EYA2: variants seen among roughly 807,000 people sequenced by gnomAD.
EYA2 encodes the protein EYA transcriptional coactivator and phosphatase 2.
EYA2 carries 31 observed loss-of-function variants against 69.2 expected under a neutral mutation model. The ratio of observed to expected loss-of-function variants is 0.45; its 90% CI spans 0.34 to 0.60. EYA2 has a LOEUF of 0.60. EYA2 is among the 20% of genes least tolerant of loss of function. The pLI is 0.02. For synonymous variants in EYA2, 257 were observed against 279.4 expected (o/e 0.92, Z 0.80); for missense variants, 622 against 701.2 (o/e 0.89, Z 1.28).
chr20:47,085,364 T>C (rs1266046987), intron 7 of EYA2, among the ~76,000 whole-genome samples: 2 of 151,846 alleles, frequency 1.3e-5, no homozygotes, highest in Non-Finnish European at 2.9e-5. Context: ...AATGAAATAT[T>C]AGGCTGGGCA....
chr20:46,935,546 A>G (rs1198660007), intron 1 of EYA2, among the ~76,000 whole-genome samples: 1 of 152,174 alleles, frequency 6.6e-6, no homozygotes, highest in Non-Finnish European at 1.5e-5. Context: ...ACTGGGCACC[A>G]TGATAGCAAG....
intron 9 of EYA2, among the ~76,000 whole-genome samples, chr20:47,109,124 A>C (rs6063071): frequency 0.32 from 49,251 of 151,968 alleles, 9,459 homozygotes; most frequent in Non-Finnish European, 0.42. Flanking sequence ...CAAGCTGCAA[A>C]GATGCCCTGT....
rs1416149490 is a variant in EYA2 at position 47,172,688 on chromosome 20, T to A, written c.1038-19T>A. ...CACCCCCCTGCACTAACACTGTCCC[T>A]CCCCTCCTCTCTCCGCAGCACATAC... On this transcript the variant is annotated intron_variant, in intron 11 of 15. Coordinates refer to ENST00000327619, the MANE Select transcript of EYA2 (RefSeq NM_005244.5). 6.3e-7 allele frequency: 1 copy of A among 1,595,486 alleles called. No individual in the cohort carries two copies. Among genetic ancestry groups the A allele is most frequent in the East Asian group, 2.2e-5 (1 of 44,610 alleles).
intron 1 of EYA2, among the ~76,000 whole-genome samples, chr20:46,902,340 T>G (rs943429663): frequency 2.0e-5 from 3 of 152,232 alleles, no homozygotes; most frequent in Admixed American, 2.0e-4. Flanking sequence ...CACTTATTAT[T>G]TATTGAATAT....
intron 1 of EYA2, among the ~76,000 whole-genome samples, chr20:46,967,516 G>A (rs1206777): frequency 0.27 from 40,727 of 152,116 alleles, 5,828 homozygotes; most frequent in Admixed American, 0.43. Context: ...AAGGCTTCCT[G>A]GAAGCAGTGA....
At chr20:47,053,043 C>G (rs189686907) in intron 5 of EYA2, among the ~76,000 whole-genome samples, 1 of 152,320 alleles carries the variant, frequency 6.6e-6, no homozygotes, top group East Asian at 1.9e-4. Flanking sequence ...CTCCCCAGCC[C>G]TTAACCTATT....
chr20:47,018,616 C>CTT (rs1555813098), intron 5 of EYA2, among the ~76,000 whole-genome samples: 4 of 152,188 alleles, frequency 2.6e-5, no homozygotes, highest in Non-Finnish European at 5.9e-5. Flanking sequence ...GTACAGGCAG[C>CTT]GGGAACGCAA....
At chr20:46,970,172 G>A (rs374017560) in intron 1 of EYA2, among the ~76,000 whole-genome samples, 1 of 152,214 alleles carries the variant, frequency 6.6e-6, no homozygotes, top group African/African-American at 2.4e-5. Context: ...ATAGTTAAGC[G>A]CGACTGAAGC....
At chr20:46,992,901 C>A (rs758710629) in intron 2 of EYA2, among the ~76,000 whole-genome samples, 3 of 152,176 alleles carry the variant, frequency 2.0e-5, no homozygotes, top group Non-Finnish European at 4.4e-5. Flanking sequence ...TGCCTCTCCC[C>A]CTGCCTGGCC....
At chr20:46,993,133 C>A (rs1361017445) in intron 2 of EYA2, among the ~76,000 whole-genome samples, 1 of 152,210 alleles carries the variant, frequency 6.6e-6, no homozygotes, top group Non-Finnish European at 1.5e-5. Context: ...AGTGGCCTAA[C>A]CTCCTTGAGA....
intron 1 of EYA2, among the ~76,000 whole-genome samples, chr20:46,959,648 ACACGCACG>A (rs1979347397): frequency 1.2e-5 from 1 of 82,266 alleles, no homozygotes; most frequent in East Asian, 3.1e-4. Context: ...ACATGCACGC[ACACGCACG>A]CACACGCACG....
At chr20:47,007,532 C>G (rs1982791076) in intron 4 of EYA2, among the ~76,000 whole-genome samples, 1 of 152,110 alleles carries the variant, frequency 6.6e-6, no homozygotes, top group African/African-American at 2.4e-5. Context: ...GGGTTCTGTT[C>G]CACGTGAGAC....
chr20:46,941,289 A>T (rs1986145294), intron 1 of EYA2, among the ~76,000 whole-genome samples: 1 of 152,230 alleles, frequency 6.6e-6, no homozygotes, highest in Non-Finnish European at 1.5e-5. Context: ...AGCTGGAAGG[A>T]TGTAATGAGG....
chr20:47,047,218 A>C (rs1347464499), intron 5 of EYA2, among the ~76,000 whole-genome samples: 1 of 152,114 alleles, frequency 6.6e-6, no homozygotes, highest in Non-Finnish European at 1.5e-5. Context: ...GGGAGTGAGC[A>C]GTTCCCCATT....
intron 9 of EYA2, among the ~76,000 whole-genome samples, chr20:47,132,809 T>C (rs1211539262): frequency 6.6e-6 from 1 of 152,218 alleles, no homozygotes; most frequent in Non-Finnish European, 1.5e-5. Context: ...GACTACATAA[T>C]AACCCAGGCC....
At chr20:47,109,043 T>C (rs1327347864) in intron 9 of EYA2, among the ~76,000 whole-genome samples, 1 of 151,928 alleles carries the variant, frequency 6.6e-6, no homozygotes, top group Non-Finnish European at 1.5e-5. Context: ...AGGAGCACAG[T>C]AGGCTGGGTA....
At chr20:47,013,628 C>T (rs964328632) in intron 4 of EYA2, among the ~76,000 whole-genome samples, 6 of 152,152 alleles carry the variant, frequency 3.9e-5, no homozygotes, top group Non-Finnish European at 7.3e-5. Flanking sequence ...CTTTCCATCC[C>T]GTCACTAAAA....
intron 1 of EYA2, among the ~76,000 whole-genome samples, chr20:46,983,967 A>G (rs1460168001): frequency 6.6e-6 from 1 of 152,116 alleles, no homozygotes; most frequent in East Asian, 1.9e-4. Context: ...CATGATAGTG[A>G]GGTTGACTAA....
chr20:46,991,985 A>C (rs908196948), intron 2 of EYA2, among the ~76,000 whole-genome samples: 1 of 135,856 alleles, frequency 7.4e-6, no homozygotes, highest in African/African-American at 2.7e-5. Context: ...AAAAAAAAAA[A>C]ACGCTGAAAG....
Sources: allele counts gnomAD v4.1 joint callset (sites outside exome capture counted in the v4.1 genomes callset), GRCh38; gene constraint gnomAD v4.1.1; transcripts MANE v1.5; gene names NCBI Gene and HGNC (gene_info 2026-07-23, HGNC 2026-07-21).